Variants in HSPBAP1 observed in about 807,000 individuals in gnomAD.
HSPBAP1 encodes the protein HSPB1 associated protein 1, also known as HSPB1-associated protein 1.
In HSPBAP1, 27 loss-of-function variants were observed where a neutral mutation model predicts 45.2. The observed-to-expected ratio is 0.60, with a 90% CI of 0.44 to 0.82. HSPBAP1 has a LOEUF of 0.82. HSPBAP1 is among the 40% of genes least tolerant of loss of function. HSPBAP1 has a pLI of 0.00. For missense variants in HSPBAP1, 510 were observed against 590.9 expected (o/e 0.86, Z 1.42); for synonymous variants, 204 against 202.7 (o/e 1.01, Z -0.06).
chr3:122,753,293 T>C (rs1934226275), intron 5 of HSPBAP1: 10 of 311,706 alleles, frequency 3.2e-5, no homozygotes, highest in Non-Finnish European at 4.7e-5. Context: ...GTGAGGGAGG[T>C]AGGACTACAG....
At chr3:122,781,784 G>A (rs1225635022) in intron 1 of HSPBAP1, among the ~76,000 whole-genome samples, 1 of 152,158 alleles carries the variant, frequency 6.6e-6, no homozygotes, top group Admixed American at 6.5e-5. Context: ...GTTGCTGCAA[G>A]GGAAATGATT....
At chr3:122,744,435 G>A (rs1423892241) in intron 6 of HSPBAP1, among the ~76,000 whole-genome samples, 4 of 152,184 alleles carry the variant, frequency 2.6e-5, no homozygotes, top group Non-Finnish European at 4.4e-5. Context: ...CAAAAAGAAG[G>A]AATTATTGTC....
chr3:122,778,516 T>A (rs572413487), intron 1 of HSPBAP1, among the ~76,000 whole-genome samples: 14 of 97,432 alleles, frequency 1.4e-4, no homozygotes, highest in African/African-American at 3.9e-4. Context: ...GTATTTCTTT[T>A]TTTTTTATTT....
Position 122,768,728 on chromosome 3 carries a change from T to C in HSPBAP1, c.405A>G (p.Leu135=), listed in dbSNP as rs1219739264. The change falls in exon 3 of 8, where the codon CTA becomes CTG. Residue 135 remains leucine, a synonymous_variant. Transcript: ENST00000306103. ...AYADYKYFVS[L]FEDKTDLFQD... ...GGAAAAGATCTGTCTTGTCTTCAAA[T>C]AGACTGACAAAATATTTATAGTCAG... 6.2e-7 allele frequency: 1 copy of C among 1,612,518 alleles called. No individual in the cohort carries two copies. Among genetic ancestry groups the C allele is most frequent in the South Asian group, 1.1e-5 (1 of 91,048 alleles).
intron 3 of HSPBAP1, among the ~76,000 whole-genome samples, chr3:122,763,454 CTGTG>C (rs1215843066): frequency 7.9e-6 from 1 of 126,608 alleles, no homozygotes. Flanking sequence ...CCCAATAAAG[CTGTG>C]TGTGTTTTTT....
intron 4 of HSPBAP1, among the ~76,000 whole-genome samples, chr3:122,756,354 T>C (rs917260051): frequency 6.6e-6 from 1 of 152,116 alleles, no homozygotes; most frequent in African/African-American, 2.4e-5. Flanking sequence ...AATTTGAAGG[T>C]TTTATAGAAA....
chr3:122,781,122 G>A (rs1302052636), intron 1 of HSPBAP1, among the ~76,000 whole-genome samples: 1 of 151,874 alleles, frequency 6.6e-6, no homozygotes, highest in Non-Finnish European at 1.5e-5. Flanking sequence ...GGGCGGCCAG[G>A]CAGAGACGCT....
intron 2 of HSPBAP1, among the ~76,000 whole-genome samples, chr3:122,777,157 G>C (rs1935214805): frequency 6.6e-6 from 1 of 152,102 alleles, no homozygotes; most frequent in Admixed American, 6.6e-5. Context: ...GAAAAGAAGA[G>C]GCAGAATCTA....
intron 5 of HSPBAP1, chr3:122,753,363 G>A: frequency 1.2e-6 from 1 of 843,884 alleles, no homozygotes; most frequent in Non-Finnish European, 1.4e-6. Context: ...TAAGGTAGGG[G>A]AATTAGTTTA....
chr3:122,753,339 G>A, intron 5 of HSPBAP1: 7 of 706,938 alleles, frequency 9.9e-6, no homozygotes, highest in Non-Finnish European at 1.2e-5. Flanking sequence ...TATCACAGAG[G>A]GAATAATGGG....
intron 6 of HSPBAP1, among the ~76,000 whole-genome samples, chr3:122,742,884 A>G (rs544402802): frequency 1.3e-5 from 2 of 152,338 alleles, no homozygotes; most frequent in East Asian, 3.9e-4. Flanking sequence ...CTTGTTCTCT[A>G]TATAAATACA....
At position 122,779,444 on chromosome 3, in the gene HSPBAP1, C is replaced by T. The variant is rs1327770771; in HGVS notation, c.65-1538G>A. On this transcript the variant is annotated intron_variant, in intron 1 of 7. Coordinates refer to ENST00000306103, the MANE Select transcript of HSPBAP1 (RefSeq NM_024610.6). ...TCCATTTCTCTCAATTTAGATCCAGCGAGTTGCATGTTCTTTCTCTGCCCG... is the reference window on the plus strand; with the variant it reads ...TCCATTTCTCTCAATTTAGATCCAGTGAGTTGCATGTTCTTTCTCTGCCCG... 1.6e-4 allele frequency among the ~76,000 whole-genome samples: 24 copies of T among 151,730 alleles called. 1 individual carries two copies. The highest frequency in any genetic ancestry group is 1.4e-3 in the Admixed American group (21 of 15,260).
intron 6 of HSPBAP1, among the ~76,000 whole-genome samples, chr3:122,743,127 G>A (rs1409677338): frequency 1.3e-5 from 2 of 152,186 alleles, no homozygotes; most frequent in Non-Finnish European, 2.9e-5. Context: ...GCTATAGCAT[G>A]CATCAGTATT....
chr3:122,781,960 T>G (rs1358007904), intron 1 of HSPBAP1, among the ~76,000 whole-genome samples: 1 of 152,214 alleles, frequency 6.6e-6, no homozygotes, highest in Non-Finnish European at 1.5e-5. Context: ...ACCTAATTCT[T>G]AAATGATTTT....
In HSPBAP1 at chr3:122,781,311, G is replaced by A. The variant is rs182066734; in HGVS notation, c.65-3405C>T. 3.7e-3 allele frequency among the ~76,000 whole-genome samples: 570 copies of A among 152,370 alleles called. 4 individuals are homozygous for A. Among genetic ancestry groups the A allele is most frequent in the African/African-American group, 0.013 (541 of 41,582 alleles). ...ACTCCGCCTGCAATCCCGGCACCTC[G>A]GGAGGCCGAGGCTGGAGGATCACTC... On this transcript the variant is annotated intron_variant, in intron 1 of 7. Coordinates refer to ENST00000306103, the MANE Select transcript of HSPBAP1 (RefSeq NM_024610.6).
chr3:122,755,506 T>C lies in HSPBAP1; in HGVS notation c.570-75A>G, dbSNP rs757318626. The C allele has an allele frequency of 1.7e-4, 189 of 1,105,738 alleles. 1 individual carries two copies. Among genetic ancestry groups the C allele is most frequent in the Non-Finnish European group, 2.0e-4 (164 of 810,098 alleles). The allele number at this position is 1,105,738 out of a possible 1,614,324, so 68.5% of individuals were successfully genotyped here. A position where few individuals can be genotyped will look rare whatever the true frequency, so the allele number is the denominator to read the frequency against. ...ACAAAACATGGAAGAAGACAAAAGC[T>C]AAGTGTTCATTTTTACTTGTTTAAA... On this transcript the variant is annotated intron_variant, in intron 4 of 7. Coordinates refer to ENST00000306103, the MANE Select transcript of HSPBAP1 (RefSeq NM_024610.6).
chr3:122,781,524 T>C (rs1395542805), intron 1 of HSPBAP1, among the ~76,000 whole-genome samples: 1 of 152,110 alleles, frequency 6.6e-6, no homozygotes, highest in Admixed American at 6.5e-5. Context: ...AGCTTCGGCT[T>C]GGCACCAGAG....
Position 122,754,700 on chromosome 3 carries a change from T to G in HSPBAP1, c.741+560A>C, listed in dbSNP as rs1244835601. On this transcript the variant is annotated intron_variant, in intron 5 of 7. Transcript: ENST00000306103. ...TGAAATATCAGACAGCAAGTGCCAA[T>G]GTTGAAAAGGAAATTTTCCTCACTG... The G allele has an allele frequency of 7.1e-6, 7 of 985,284 alleles. No homozygotes were observed. In the East Asian group the frequency reaches 7.9e-4, roughly 112 times the overall value. 61.0% of individuals were successfully genotyped at this position (985,284 alleles called of 1,614,324 possible).
Position 122,793,696 on chromosome 3 carries a change from G to A in HSPBAP1, c.-16C>T, listed in dbSNP as rs1159237580. The stretch of plus-strand genomic sequence containing the variant: ...CTGCTGCCATGGCTACCGCAAGGCG[G>A]GTTCTGCCGGAACCCAAGGCGGAGC... On this transcript the variant is annotated 5_prime_UTR_variant, in exon 1 of 8. Transcript: ENST00000306103. 1 of 1,613,128 alleles carries A rather than the reference G, an allele frequency of 6.2e-7. No individual in the cohort carries two copies. Among genetic ancestry groups the A allele is most frequent in the African/African-American group, 1.3e-5 (1 of 74,916 alleles).
Sources: allele counts gnomAD v4.1 joint callset (sites outside exome capture counted in the v4.1 genomes callset), GRCh38; gene constraint gnomAD v4.1.1; transcripts MANE v1.5; gene names NCBI Gene and HGNC (gene_info 2026-07-23, HGNC 2026-07-21).